PRRT3: variants seen among roughly 807,000 people sequenced by gnomAD.
The protein encoded by PRRT3 is proline-rich transmembrane protein 3.
In PRRT3, 48 loss-of-function variants were observed where a neutral mutation model predicts 56.6. That is an observed-to-expected ratio of 0.85 (90% CI 0.67 to 1.08). The LOEUF (loss-of-function observed/expected upper bound fraction) is 1.08. Ranked by LOEUF, PRRT3 falls within the 50% of genes least tolerant of loss-of-function variation. PRRT3 has a pLI of 0.00. For synonymous variants in PRRT3, 641 were observed against 619.1 expected (o/e 1.04, Z -0.52); for missense variants, 1,370 against 1,353.1 (o/e 1.01, Z -0.20).
chr3:9,947,103 C>T lies in PRRT3; in HGVS notation c.2070G>A (p.Ala690=), dbSNP rs751044182. The T allele has an allele frequency of 2.6e-6, 4 of 1,537,132 alleles. No individual in the cohort carries two copies. The highest frequency in any genetic ancestry group is 2.4e-5 in the East Asian group (1 of 40,898). Residue 690 remains alanine, a synonymous_variant, in exon 4 of 4, where the codon GCG becomes GCA. Coordinates refer to ENST00000412055, the MANE Select transcript of PRRT3 (RefSeq NM_207351.5). The surrounding 1 kb of genome is among the most constrained non-coding windows in gnomAD (Gnocchi z 9.2). ...FWLRLLELTW[A]LALALAAVAA... ...CCACCGCGGCCAACGCCAGGGCGAG[C>T]GCCCATGTCAGCTCCAGGAGGCGCA...
Position 9,947,170 on chromosome 3 carries a change from A to T in PRRT3, c.2003T>A (p.Val668Glu). The T allele has an allele frequency of 8.5e-6, 13 of 1,533,622 alleles. No homozygotes were observed. Among genetic ancestry groups the T allele is most frequent in the African/African-American group, 1.4e-5 (1 of 72,468 alleles). The change falls in exon 4 of 4, where the codon GTG (valine) becomes GAG (glutamate). Residue 668 changes from valine to glutamate, a missense_variant. By Grantham distance (121) the Val-to-Glu change is moderately radical. Transcript: ENST00000412055. The surrounding 1 kb of genome is among the most constrained non-coding windows in gnomAD (Gnocchi z 9.2). ...ALWLYPGPGR[V>E]GRFSWAWWGV... ...CCACCAGGCCCACGAGAAGCGGCCCACGCGGCCTGGGCCCGGGTACAGCCA... is the reference window on the plus strand; with the variant it reads ...CCACCAGGCCCACGAGAAGCGGCCCTCGCGGCCTGGGCCCGGGTACAGCCA...
Position 9,948,918 on chromosome 3 carries a change from A to T in PRRT3, c.1016-5T>A. The T allele has an allele frequency of 1.3e-6, 2 of 1,565,224 alleles. No homozygotes were observed. Among genetic ancestry groups the T allele is most frequent in the Non-Finnish European group, 1.7e-6 (2 of 1,155,090 alleles). On this transcript the variant is annotated splice_polypyrimidine_tract_variant and splice_region_variant and intron_variant, in intron 2 of 3. Coordinates refer to ENST00000412055, the MANE Select transcript of PRRT3 (RefSeq NM_207351.5). ...CTCCATTCATTGCTGCTCTCTCTGA[A>T]ATGACAAAGCAGTCATCACCTTACC...
chr3:9,949,757 T>G lies in PRRT3; in HGVS notation c.359A>C (p.Gln120Pro). The G allele has an allele frequency of 6.2e-7, 1 of 1,614,202 alleles. No individual in the cohort carries two copies. Among genetic ancestry groups the G allele is most frequent in the Non-Finnish European group, 8.5e-7 (1 of 1,180,046 alleles). ...TGTCCAGCCGTGGGAGCTTGGTCCT[T>G]GAGCCATCTGGAGGTCATCAGTTAC... is the stretch of plus-strand genomic sequence containing the variant. Reference protein sequence around the residue: ...LPVTDDLQMAQGPSSHGWTGP... With the variant: ...LPVTDDLQMAPGPSSHGWTGP... Residue 120 changes from glutamine (Q) to proline (P), a missense_variant, in exon 2 of 4, where the codon CAA becomes CCA. Coordinates refer to ENST00000412055, the MANE Select transcript of PRRT3 (RefSeq NM_207351.5). The surrounding 1 kb of genome is among the most constrained non-coding windows in gnomAD (Gnocchi z 4.5).
At chr3:9,952,006 G>A (rs1467410874) in intron 1 of PRRT3, among the ~76,000 whole-genome samples, 1 of 152,230 alleles carries the variant, frequency 6.6e-6, no homozygotes, top group African/African-American at 2.4e-5. Context: ...GGCTTGCCCA[G>A]CCCTGGGCTC....
chr3:9,946,917 C>G lies in PRRT3; in HGVS notation c.2256G>C (p.Lys752Asn). 6.5e-7 allele frequency: 1 copy of G among 1,540,144 alleles called. No individual in the cohort carries two copies. Among genetic ancestry groups the G allele is most frequent in the Admixed American group, 1.9e-5 (1 of 51,410 alleles). Reference protein sequence around the residue: ...NVGAGSLDISKSLIRNPAESG... With the variant: ...NVGAGSLDISNSLIRNPAESG... The stretch of plus-strand genomic sequence containing the variant: ...TCTCCGCCGGGTTGCGGATGAGGCT[C>G]TTGCTGATGTCCAAGCTGCCTGCAC... The change falls in exon 4 of 4, where the codon AAG becomes AAC. Residue 752 changes from lysine (K) to asparagine (N), a missense_variant. Coordinates refer to ENST00000412055, the MANE Select transcript of PRRT3 (RefSeq NM_207351.5). The surrounding 1 kb of genome is among the most constrained non-coding windows in gnomAD (Gnocchi z 4.1).
rs1307526565 is a variant in PRRT3, at chr3:9,946,430, T to C, written c.2743A>G (p.Ser915Gly). 3 of 1,596,872 alleles carry C rather than the reference T, an allele frequency of 1.9e-6. No homozygotes were observed. Among genetic ancestry groups the C allele is most frequent in the African/African-American group, 2.7e-5 (2 of 74,436 alleles). ...DSFSRGSLKI[S>G]WNPWRHGLSS... ...AGCCCGTGGCGCCAGGGGTTCCAACTGATCTTGAGTGAACCCCTGGAGAAG... is the reference window on the plus strand; with the variant it reads ...AGCCCGTGGCGCCAGGGGTTCCAACCGATCTTGAGTGAACCCCTGGAGAAG... The change falls in exon 4 of 4, where the codon AGT becomes GGT. Residue 915 changes from serine (S) to glycine (G), a missense_variant. Ser to Gly is a moderately conservative substitution (Grantham distance 56). Coordinates refer to ENST00000412055, the MANE Select transcript of PRRT3 (RefSeq NM_207351.5). This position sits in a 1 kb window ranked among gnomAD's most constrained non-coding sequence, Gnocchi z 4.1.
At position 9,948,898 on chromosome 3, in the gene PRRT3, T is replaced by C; in HGVS notation, c.1031A>G (p.Asn344Ser). ...CTGGGGGGAGATGGGGTCTGCTCCATTCATTGCTGCTCTCTCTGAAATGAC... is the reference window on the plus strand; with the variant it reads ...CTGGGGGGAGATGGGGTCTGCTCCACTCATTGCTGCTCTCTCTGAAATGAC... ...RPSKPERAAM[N>S]GADPISPQRV... Residue 344 changes from asparagine (N) to serine (S), a missense_variant, in exon 3 of 4, where the codon AAT becomes AGT. Physicochemically the swap from Asn to Ser is conservative, Grantham distance 46. Transcript: ENST00000412055. The C allele has an allele frequency of 1.9e-6, 3 of 1,587,756 alleles. No homozygotes were observed. The highest frequency in any genetic ancestry group is 2.6e-6 in the Non-Finnish European group (3 of 1,166,714).
chr3:9,948,344 T>A, intron 3 of PRRT3: 1 of 348,498 alleles, frequency 2.9e-6, no homozygotes, highest in Non-Finnish European at 5.1e-6. Context: ...TTTCTTTTTT[T>A]CTTTTGACAG....
At position 9,947,689 on chromosome 3, in the gene PRRT3, G is replaced by A. The variant is rs1212607767; in HGVS notation, c.1484C>T (p.Ala495Val). Residue 495 changes from alanine to valine, a missense_variant, in exon 4 of 4, where the codon GCC (alanine) becomes GTC (valine). Coordinates refer to ENST00000412055, the MANE Select transcript of PRRT3 (RefSeq NM_207351.5). The surrounding 1 kb of genome is among the most constrained non-coding windows in gnomAD (Gnocchi z 9.2). ...TGCCAGCCGGGGCCCTGCTGGGGCGGCTGCCAGCGCAGCCAGCGCCAACAA... is the reference window on the plus strand; with the variant it reads ...TGCCAGCCGGGGCCCTGCTGGGGCGACTGCCAGCGCAGCCAGCGCCAACAA... The part of the protein sequence containing the change: ...PALLALAALA[A>V]APAGPRLALV... 3.2e-6 allele frequency: 5 copies of A among 1,567,376 alleles called. No individual in the cohort carries two copies. Among genetic ancestry groups the A allele is most frequent in the Non-Finnish European group, 4.3e-6 (5 of 1,160,134 alleles).
chr3:9,947,842 G>T lies in PRRT3; in HGVS notation c.1331C>A (p.Ala444Asp), dbSNP rs752136487. The T allele has an allele frequency of 6.3e-5, 90 of 1,434,956 alleles. No homozygotes were observed. Among genetic ancestry groups the T allele is most frequent in the Non-Finnish European group, 7.0e-5 (77 of 1,093,760 alleles). The allele number at this position is 1,434,956 out of a possible 1,614,324, so 88.9% of individuals were successfully genotyped here. ...PEPTASSMAS[A>D]PASSPPANAT... is the part of the protein sequence containing the mutation. ...GTTGGCTGGGGGGCTGGAGGCTGGG[G>T]CTGAAGCCATGGAGCTGGCGGTGGG... Residue 444 changes from alanine to aspartate, a missense_variant, in exon 4 of 4, where the codon GCC becomes GAC. Physicochemically the swap from Ala to Asp is moderately radical, Grantham distance 126. Coordinates refer to ENST00000412055, the MANE Select transcript of PRRT3 (RefSeq NM_207351.5). This position sits in a 1 kb window ranked among gnomAD's most constrained non-coding sequence, Gnocchi z 9.2.
At position 9,947,251 on chromosome 3, in the gene PRRT3, G is replaced by A. The variant is rs1218289459; in HGVS notation, c.1922C>T (p.Ala641Val). Reference sequence around the variant, plus strand: ...CAGCAGCCCCAGCGCGCCCGCCACAGCCAACAGCCGAGGGCCCGGGCTGGC... The same window carrying A: ...CAGCAGCCCCAGCGCGCCCGCCACAACCAACAGCCGAGGGCCCGGGCTGGC... ...WDASPGPRLL[A>V]VAGALGLLAS... Residue 641 changes from alanine (A) to valine (V), a missense_variant, in exon 4 of 4, where the codon GCT becomes GTT. Transcript: ENST00000412055. This position sits in a 1 kb window ranked among gnomAD's most constrained non-coding sequence, Gnocchi z 9.2. 6 of 1,503,744 alleles carry A rather than the reference G, an allele frequency of 4.0e-6. No homozygotes were observed. Among genetic ancestry groups the A allele is most frequent in the South Asian group, 1.3e-5 (1 of 79,060 alleles). 93.2% of individuals were successfully genotyped at this position (1,503,744 alleles called of 1,614,324 possible).
chr3:9,948,562 C>A (rs1164132829), intron 3 of PRRT3, 196 bp downstream of exon 3: 2 of 641,034 alleles, frequency 3.1e-6, no homozygotes, highest in Non-Finnish European at 5.4e-6. Context: ...CCCAAAAGGG[C>A]AAATGACTTC....
At chr3:9,948,148 A>G (rs1038534966) in intron 3 of PRRT3, 147 bp from the exon 4 acceptor site, 11 of 869,008 alleles carry the variant, frequency 1.3e-5, no homozygotes, top group Non-Finnish European at 1.7e-5. Flanking sequence ...GTTGTGAAGA[A>G]GATGAAATGT....
chr3:9,947,611 A>G lies in PRRT3; in HGVS notation c.1562T>C (p.Met521Thr), dbSNP rs1003210002. 6.3e-6 allele frequency: 10 copies of G among 1,594,070 alleles called. No individual in the cohort carries two copies. Among genetic ancestry groups the G allele is most frequent in the Non-Finnish European group, 8.5e-6 (10 of 1,169,908 alleles). ...LVASALRSAY[M>T]LTDPYGSQAR... ...CTGCGAGCCGTAAGGGTCGGTAAGC[A>G]TGTAGGCGGATCGCAGCGCCGAAGC... Residue 521 changes from methionine (M) to threonine (T), a missense_variant, in exon 4 of 4, where the codon ATG becomes ACG. Physicochemically the swap from Met to Thr is moderately conservative, Grantham distance 81. Transcript: ENST00000412055. This position sits in a 1 kb window ranked among gnomAD's most constrained non-coding sequence, Gnocchi z 9.2.
Position 9,947,906 on chromosome 3 carries a change from T to G in PRRT3, c.1267A>C (p.Thr423Pro). 2.1e-6 allele frequency: 3 copies of G among 1,422,150 alleles called. No individual in the cohort carries two copies. 88.1% of individuals were successfully genotyped at this position (1,422,150 alleles called of 1,614,324 possible). A position where few individuals can be genotyped will look rare whatever the true frequency, so the allele number is the denominator to read the frequency against. Residue 423 changes from threonine to proline, a missense_variant, in exon 4 of 4, where the codon ACC (threonine) becomes CCC (proline). Physicochemically the swap from Thr to Pro is conservative, Grantham distance 38. Coordinates refer to ENST00000412055, the MANE Select transcript of PRRT3 (RefSeq NM_207351.5). This position sits in a 1 kb window ranked among gnomAD's most constrained non-coding sequence, Gnocchi z 9.2. Reference sequence around the variant, plus strand: ...GGCTGGCCCAGGGCTCGCTGCGTGGTGACTCGAATGAGGCCCCGGCGTGAC... The same window carrying G: ...GGCTGGCCCAGGGCTCGCTGCGTGGGGACTCGAATGAGGCCCCGGCGTGAC... ...STSRRGLIRV[T>P]TQRALGQPPP...
intron 1 of PRRT3, among the ~76,000 whole-genome samples, chr3:9,951,196 T>C (rs1198699869): frequency 1.3e-5 from 2 of 152,122 alleles, no homozygotes; most frequent in Non-Finnish European, 2.9e-5. Flanking sequence ...CCCCTAAAAG[T>C]TCCTGTTCTC....
In PRRT3 at chr3:9,949,396, G is replaced by C; in HGVS notation, c.720C>G (p.Pro240=). The change falls in exon 2 of 4, where the codon CCC becomes CCG. Residue 240 remains proline (P), a synonymous_variant. Transcript: ENST00000412055. The surrounding 1 kb of genome is among the most constrained non-coding windows in gnomAD (Gnocchi z 4.5). ...EEHLQEAAQG[P]HFTQQDPAAP... ...CTGCTGGATCCTGCTGGGTGAAGTG[G>C]GGACCTTGAGCTGCCTCCTGCAAGT... The C allele has an allele frequency of 6.2e-7, 1 of 1,614,172 alleles. No individual in the cohort carries two copies. Among genetic ancestry groups the C allele is most frequent in the Non-Finnish European group, 8.5e-7 (1 of 1,180,026 alleles).
Position 9,949,535 on chromosome 3 carries a change from C to G in PRRT3, c.581G>C (p.Ser194Thr). The G allele has an allele frequency of 1.2e-6, 2 of 1,614,056 alleles. No individual in the cohort carries two copies. Among genetic ancestry groups the G allele is most frequent in the Non-Finnish European group, 1.7e-6 (2 of 1,180,026 alleles). The change falls in exon 2 of 4, where the codon AGC becomes ACC. Residue 194 changes from serine (S) to threonine (T), a missense_variant. Transcript: ENST00000412055. The surrounding 1 kb of genome is among the most constrained non-coding windows in gnomAD (Gnocchi z 4.5). The stretch of plus-strand genomic sequence containing the variant: ...TGAGGGAGAAGTGGGTGGGACCCTG[C>G]TCTTAGTTTTGGCCTTCAGACCCTC... ...RDEGLKAKTK[S>T]RVPPTSPSDH...
intron 3 of PRRT3, chr3:9,948,541 A>C (rs2085566689): frequency 1.7e-6 from 1 of 589,912 alleles, no homozygotes; most frequent in Non-Finnish European, 3.0e-6. Flanking sequence ...TACATATTAG[A>C]ACATTCTAGC....
Sources: allele counts gnomAD v4.1 joint callset (sites outside exome capture counted in the v4.1 genomes callset), GRCh38; gene constraint gnomAD v4.1.1; non-coding constraint Gnocchi (gnomAD v3.1); transcripts MANE v1.5; gene names NCBI Gene and HGNC (gene_info 2026-07-23, HGNC 2026-07-21).